STARD9: variants seen among roughly 807,000 people sequenced by gnomAD.
STARD9 encodes the protein stAR-related lipid transfer protein 9.
Under a neutral mutation model 399.8 loss-of-function variants are expected in STARD9, and 346 were observed. The ratio of observed to expected loss-of-function variants is 0.87; its 90% CI spans 0.79 to 0.95. The LOEUF is 0.95. STARD9 is among the 40% of genes least tolerant of loss of function. The pLI is 0.00. For synonymous variants in STARD9, 2,203 were observed against 2,143.5 expected (o/e 1.03, Z -0.77); for missense variants, 5,832 against 5,667.5 (o/e 1.03, Z -0.93).
chr15:42,623,416 A>G (rs183773847), intron 3 of STARD9, among the ~76,000 whole-genome samples: 6 of 152,258 alleles, frequency 3.9e-5, no homozygotes, highest in Admixed American at 3.3e-4. Flanking sequence ...TCTATGGTCT[A>G]TCTCTCCAAC....
rs1302457985 is a variant in STARD9, at chr15:42,677,572, C to T, written c.1874+1597C>T. On this transcript the variant is annotated intron_variant, in intron 20 of 32. Coordinates refer to ENST00000290607, the MANE Select transcript of STARD9 (RefSeq NM_020759.3). ...AGACTCTTTGAAGATCTGTTTTTCC[C>T]AGAGTTCAGAGGTTTACAGAAAATA... 2.6e-5 allele frequency among the ~76,000 whole-genome samples: 4 copies of T among 152,252 alleles called. No homozygotes were observed. In the South Asian group the frequency reaches 8.3e-4, roughly 32 times the overall value.
intron 22 of STARD9, 64 bp downstream of exon 22, chr15:42,682,639 G>A (rs2060460156): frequency 7.5e-7 from 1 of 1,335,480 alleles, no homozygotes; most frequent in African/African-American, 1.5e-5. Flanking sequence ...TGCCCAGGTA[G>A]TTTTCTGTTT....
chr15:42,588,173 A>G (rs941071664), intron 3 of STARD9, among the ~76,000 whole-genome samples: 1 of 151,896 alleles, frequency 6.6e-6, no homozygotes, highest in Non-Finnish European at 1.5e-5. Flanking sequence ...TAAATCAGTC[A>G]TCTTAGAGGG....
intron 25 of STARD9, 41 bp downstream of exon 25, chr15:42,695,364 G>A: frequency 6.7e-7 from 1 of 1,483,882 alleles, no homozygotes; most frequent in Non-Finnish European, 9.0e-7. Flanking sequence ...GATAGGCCTG[G>A]ACCTCAGACT....
intron 2 of STARD9, among the ~76,000 whole-genome samples, chr15:42,585,234 T>C (rs1050533980): frequency 2.0e-5 from 3 of 152,218 alleles, no homozygotes; most frequent in African/African-American, 7.2e-5. Context: ...GATAAGAAGA[T>C]GCCCAGAGCG....
intron 3 of STARD9, among the ~76,000 whole-genome samples, chr15:42,617,320 A>G (rs996499048): frequency 6.6e-6 from 1 of 152,214 alleles, no homozygotes; most frequent in Non-Finnish European, 1.5e-5. Context: ...TCAGAAAATT[A>G]GGAGGAAAAG....
chr15:42,680,457 G>T (rs1299784360), intron 20 of STARD9, among the ~76,000 whole-genome samples: 1 of 151,998 alleles, frequency 6.6e-6, no homozygotes, highest in African/African-American at 2.4e-5. Flanking sequence ...AAAATTAGCT[G>T]GGCGTGGTGG....
Position 42,718,755 on chromosome 15 carries a change from C to A in STARD9, c.13846C>A (p.His4616Asn). The change falls in exon 32 of 33, where the codon CAC becomes AAC. Residue 4616 changes from histidine (H) to asparagine (N), a missense_variant. Physicochemically the swap from His to Asn is moderately conservative, Grantham distance 68. Around this residue, in one of 2 missense-constraint regions of STARD9, gnomAD observed 5,828 missense variants for 5,651.1 expected, o/e 1.03. Coordinates refer to ENST00000290607, the MANE Select transcript of STARD9 (RefSeq NM_020759.3). ...TCCCATTTCCCTCTGTCCCCAGGGTCACCTGTCTGTCATGGCAGCCCAGTC... is the reference window on the plus strand; with the variant it reads ...TCCCATTTCCCTCTGTCCCCAGGGTAACCTGTCTGTCATGGCAGCCCAGTC... ...CCVCVEAKEG[H>N]LSVMAAQSVY... The A allele has an allele frequency of 6.5e-7, 1 of 1,537,206 alleles. No individual in the cohort carries two copies. Among genetic ancestry groups the A allele is most frequent in the Non-Finnish European group, 8.7e-7 (1 of 1,146,886 alleles).
In STARD9 at chr15:42,682,203, C is replaced by T; in HGVS notation, c.2165C>T (p.Ala722Val). ...VAEKELEASV[A>V]LDAWLQTDPE... ...GAGAAAGAACTTGAGGCATCTGTGG[C>T]ACTTGATGCTTGGCTTCAGACAGAT... Residue 722 changes from alanine to valine, a missense_variant, in exon 22 of 33, where the codon GCA (alanine) becomes GTA (valine). Coordinates refer to ENST00000290607, the MANE Select transcript of STARD9 (RefSeq NM_020759.3). The T allele has an allele frequency of 6.5e-7, 1 of 1,537,258 alleles. No individual in the cohort carries two copies. Among genetic ancestry groups the T allele is most frequent in the Non-Finnish European group, 8.7e-7 (1 of 1,146,886 alleles).
chr15:42,678,141 G>T (rs1324991063), intron 20 of STARD9, among the ~76,000 whole-genome samples: 2 of 152,230 alleles, frequency 1.3e-5, no homozygotes, highest in Non-Finnish European at 2.9e-5. Flanking sequence ...AATCCCTGGT[G>T]GAGGTGGTGT....
intron 3 of STARD9, among the ~76,000 whole-genome samples, chr15:42,589,272 G>A (rs1435854651): frequency 2.0e-5 from 3 of 151,858 alleles, no homozygotes; most frequent in Non-Finnish European, 4.4e-5. Context: ...GGCTGGTCTT[G>A]AGCTCCTGGG....
Position 42,694,222 on chromosome 15 carries a change from C to T in STARD9, c.12644C>T (p.Ala4215Val), listed in dbSNP as rs780736726. 34 of 1,535,290 alleles carry T rather than the reference C, an allele frequency of 2.2e-5. No individual in the cohort carries two copies. Among genetic ancestry groups the T allele is most frequent in the Non-Finnish European group, 2.8e-5 (32 of 1,145,960 alleles). The change falls in exon 23 of 33, where the codon GCG (alanine) becomes GTG (valine). Residue 4215 changes from alanine to valine, a missense_variant. By Grantham distance (64) the Ala-to-Val change is moderately conservative. Coordinates refer to ENST00000290607, the MANE Select transcript of STARD9 (RefSeq NM_020759.3). Reference sequence around the variant, plus strand: ...TCACTCAGCGTGGAACTCACAGAAGCGAAACTGCACCATGGCTTTGGGGAG... The same window carrying T: ...TCACTCAGCGTGGAACTCACAGAAGTGAAACTGCACCATGGCTTTGGGGAG... ...NLSLSVELTE[A>V]KLHHGFGEAD...
intron 28 of STARD9, among the ~76,000 whole-genome samples, chr15:42,717,282 C>T (rs982610125): frequency 2.6e-5 from 4 of 151,802 alleles, no homozygotes; most frequent in Admixed American, 2.0e-4. Flanking sequence ...GTCAGGAGTT[C>T]GAGACCAGCC....
chr15:42,638,273 C>T (rs2059457396), intron 6 of STARD9, 186 bp downstream of exon 6: 1 of 625,314 alleles, frequency 1.6e-6, no homozygotes, highest in Non-Finnish European at 2.8e-6. Flanking sequence ...AACTTAATTT[C>T]CTACCCATAG....
At chr15:42,649,488 A>G (rs982447168) in intron 7 of STARD9, among the ~76,000 whole-genome samples, 1 of 151,316 alleles carries the variant, frequency 6.6e-6, no homozygotes, top group Non-Finnish European at 1.5e-5. Flanking sequence ...TCAGATATCC[A>G]TTTTATTATT....
rs1426399693 is a variant in STARD9, at chr15:42,691,265, T to C, written c.9687T>C (p.Gly3229=). ...ASGGGEGFAQ[G]VNPLPDEDGL... Reference sequence around the variant, plus strand: ...GTGGTGGAGAAGGCTTCGCCCAGGGTGTGAATCCCCTTCCTGATGAAGATG... The same window carrying C: ...GTGGTGGAGAAGGCTTCGCCCAGGGCGTGAATCCCCTTCCTGATGAAGATG... Residue 3229 remains glycine, a synonymous_variant, in exon 23 of 33, where the codon GGT becomes GGC. Transcript: ENST00000290607. The C allele has an allele frequency of 6.5e-7, 1 of 1,537,140 alleles. No individual in the cohort carries two copies. The highest frequency in any genetic ancestry group is 1.2e-5 in the South Asian group (1 of 84,046).
chr15:42,601,571 G>A (rs562663651), intron 3 of STARD9, among the ~76,000 whole-genome samples: 4 of 149,742 alleles, frequency 2.7e-5, no homozygotes, highest in Admixed American at 2.0e-4. Flanking sequence ...CTGGCTGGGC[G>A]GGGGCTGCCC....
Position 42,688,256 on chromosome 15 carries a change from T to C in STARD9, c.6678T>C (p.Phe2226=). ...GGTCTTCTAAGAATAATGGCCAGTT[T>C]GTAAAAGCATCAGCAAGTCTCAAAG... ...LERSSKNNGQ[F]VKASASLKGQ... Residue 2226 remains phenylalanine, a synonymous_variant, in exon 23 of 33, where the codon TTT becomes TTC. Transcript: ENST00000290607. 11 of 1,537,590 alleles carry C rather than the reference T, an allele frequency of 7.2e-6. No individual in the cohort carries two copies. The highest frequency in any genetic ancestry group is 9.6e-6 in the Non-Finnish European group (11 of 1,147,014).
At chr15:42,713,124 C>T (rs948626620) in intron 26 of STARD9, among the ~76,000 whole-genome samples, 4 of 151,988 alleles carry the variant, frequency 2.6e-5, no homozygotes, top group Non-Finnish European at 4.4e-5. Flanking sequence ...AACAATGTTT[C>T]GAAGTTTTCA....
Sources: gnomAD v4.1 joint callset for allele counts (sites outside exome capture counted in the v4.1 genomes callset) on GRCh38, gnomAD v4.1.1 for gene constraint, gnomAD v4.1.1 regional missense constraint, MANE v1.5 for transcripts, NCBI Gene and HGNC (gene_info 2026-07-23, HGNC 2026-07-21) for gene names.